Variants in AKT3 observed in about 807,000 individuals in gnomAD.
AKT3 encodes RAC-gamma serine/threonine-protein kinase.
In AKT3, 15 loss-of-function variants were observed where a neutral mutation model predicts 65.3. The observed-to-expected ratio is 0.23, with a 90% CI of 0.15 to 0.35. AKT3 has a LOEUF of 0.35. Ranked by LOEUF, AKT3 falls within the 10% of genes least tolerant of loss-of-function variation. The pLI is 1.00. For missense variants in AKT3, 243 were observed against 576.5 expected (o/e 0.42, Z 5.92); for synonymous variants, 206 against 183.8 (o/e 1.12, Z -0.98).
At chr1:243,625,379 C>T (rs186331533) in intron 6 of AKT3, among the ~76,000 whole-genome samples, 10 of 152,072 alleles carry the variant, frequency 6.6e-5, no homozygotes, top group Admixed American at 3.3e-4. Context: ...GTGATCTGCC[C>T]GACTTGGCCT....
chr1:243,828,121 T>C (rs1694283180), intron 2 of AKT3, among the ~76,000 whole-genome samples: 2 of 152,246 alleles, frequency 1.3e-5, no homozygotes, highest in Admixed American at 6.5e-5. Context: ...CCCGACTGTC[T>C]ATATAGAAGT....
chr1:243,780,735 T>G (rs972601794), intron 2 of AKT3, among the ~76,000 whole-genome samples: 7 of 151,962 alleles, frequency 4.6e-5, no homozygotes, highest in African/African-American at 1.7e-4. Context: ...TTGTTCTAAC[T>G]TTTATACAGG....
upstream of AKT3, among the ~76,000 whole-genome samples, chr1:243,850,323 A>C (rs972323330): frequency 8.3e-5 from 5 of 59,894 alleles, no homozygotes; most frequent in South Asian, 5.6e-4. Context: ...CGGCGGCGGG[A>C]GGGGGAGGGA....
chr1:243,716,916 A>G (rs988368170), intron 2 of AKT3, among the ~76,000 whole-genome samples: 1 of 152,250 alleles, frequency 6.6e-6, no homozygotes, highest in African/African-American at 2.4e-5. Flanking sequence ...CTAACACTTC[A>G]TCCAAAGAAT....
intron 2 of AKT3, among the ~76,000 whole-genome samples, chr1:243,751,314 T>C (rs1360454463): frequency 6.6e-6 from 1 of 152,240 alleles, no homozygotes; most frequent in African/African-American, 2.4e-5. Context: ...ACAGACTCTT[T>C]AAAGCATATC....
At chr1:243,780,494 A>G (rs1353164184) in intron 2 of AKT3, among the ~76,000 whole-genome samples, 1 of 151,500 alleles carries the variant, frequency 6.6e-6, no homozygotes, top group African/African-American at 2.4e-5. Context: ...AGGAGGCATC[A>G]TGTCTCAAAT....
At chr1:243,532,635 T>A (rs987029110) in intron 12 of AKT3, among the ~76,000 whole-genome samples, 4 of 152,166 alleles carry the variant, frequency 2.6e-5, no homozygotes, top group Non-Finnish European at 5.9e-5. Flanking sequence ...TGCCTCTAGT[T>A]TTGACATCAG....
At chr1:243,550,100 T>C (rs1322690602) in intron 11 of AKT3, among the ~76,000 whole-genome samples, 1 of 152,298 alleles carries the variant, frequency 6.6e-6, no homozygotes, top group Non-Finnish European at 1.5e-5. Context: ...CCCAATCCCC[T>C]AGACAAAGCC....
chr1:243,708,877 C>T (rs747257261), intron 2 of AKT3, among the ~76,000 whole-genome samples: 18 of 151,940 alleles, frequency 1.2e-4, no homozygotes, highest in African/African-American at 4.3e-4. Flanking sequence ...TGTTACAAAT[C>T]ACTCATTTAT....
At chr1:243,836,919 A>C (rs1045757188) in intron 2 of AKT3, among the ~76,000 whole-genome samples, 2 of 151,932 alleles carry the variant, frequency 1.3e-5, no homozygotes, top group African/African-American at 4.8e-5. Context: ...TCAAAAAAAA[A>C]AAAAAAAAAG....
chr1:243,657,197 TA>T (rs1466194707), intron 4 of AKT3, among the ~76,000 whole-genome samples: 2 of 152,190 alleles, frequency 1.3e-5, no homozygotes, highest in African/African-American at 4.8e-5. Flanking sequence ...GCACTTTTAC[TA>T]GGTGACAATA....
chr1:243,490,353 G>C (rs1193561561), intron 13 of AKT3, among the ~76,000 whole-genome samples: 1 of 152,258 alleles, frequency 6.6e-6, no homozygotes, highest in East Asian at 1.9e-4. Context: ...CCGAGCCACA[G>C]CCGCACTGCC....
chr1:243,685,304 GT>G (rs1684209566), intron 3 of AKT3, among the ~76,000 whole-genome samples: 2 of 152,100 alleles, frequency 1.3e-5, no homozygotes, highest in South Asian at 4.1e-4. Flanking sequence ...GGTTTTTATG[GT>G]TTTTGGTCTC....
At position 243,625,339 on chromosome 1, in the gene AKT3, G is replaced by A. The variant is rs942270092; in HGVS notation, c.562-10178C>T. 2.0e-5 allele frequency among the ~76,000 whole-genome samples: 3 copies of A among 151,580 alleles called. No homozygotes were observed. The East Asian group carries it at 5.8e-4, about 29-fold the overall frequency. ...GTGGAGACAGGGTTTCACCATGTTG[G>A]TCAGGCTGGTCTCAAACTCCTGGCC... On this transcript the variant is annotated intron_variant, in intron 6 of 13. Coordinates refer to ENST00000673466, the MANE Select transcript of AKT3 (RefSeq NM_005465.7).
intron 2 of AKT3, among the ~76,000 whole-genome samples, chr1:243,760,220 A>T (rs1330664652): frequency 2.0e-5 from 3 of 151,276 alleles, no homozygotes; most frequent in African/African-American, 7.3e-5. Flanking sequence ...CCTGGGCTCA[A>T]GCATCCTCCT....
chr1:243,595,918 C>T (rs1426332361), intron 8 of AKT3, among the ~76,000 whole-genome samples: 2 of 152,138 alleles, frequency 1.3e-5, no homozygotes, highest in Non-Finnish European at 2.9e-5. Context: ...CAGTCATGTA[C>T]TATCACAATC....
chr1:243,828,325 GA>G (rs1694300137), intron 2 of AKT3, among the ~76,000 whole-genome samples: 2 of 152,084 alleles, frequency 1.3e-5, no homozygotes, highest in Non-Finnish European at 2.9e-5. Flanking sequence ...TTACAGACCA[GA>G]AATTTAAGAC....
intron 2 of AKT3, among the ~76,000 whole-genome samples, chr1:243,838,855 G>A (rs181858154): frequency 6.6e-6 from 1 of 152,172 alleles, no homozygotes; most frequent in Admixed American, 6.5e-5. Flanking sequence ...AGCCAAAACT[G>A]GTTACACATA....
chr1:243,828,283 C>A (rs2148441703), intron 2 of AKT3, among the ~76,000 whole-genome samples: 1 of 152,220 alleles, frequency 6.6e-6, no homozygotes, highest in East Asian at 1.9e-4. Flanking sequence ...TTCCTATACC[C>A]ATATAAAGTA....
Sources: allele counts gnomAD v4.1 joint callset (sites outside exome capture counted in the v4.1 genomes callset), GRCh38; gene constraint gnomAD v4.1.1; transcripts MANE v1.5; gene names NCBI Gene and HGNC (gene_info 2026-07-23, HGNC 2026-07-21).